Variants in NR5A2 observed in about 807,000 individuals in gnomAD.
NR5A2 encodes nuclear receptor subfamily 5 group A member 2.
In NR5A2, 26 loss-of-function variants were observed where a neutral mutation model predicts 62.7. The observed-to-expected ratio is 0.41, with a 90% CI of 0.30 to 0.58. The LOEUF (loss-of-function observed/expected upper bound fraction) is 0.58. Among genes scored for constraint, NR5A2 ranks in the 20% least tolerant of loss-of-function variants. The probability of loss-of-function intolerance (pLI) is 0.22; values close to 1 mark genes in which losing one functional copy is unlikely to be tolerated. For synonymous variants in NR5A2, 246 were observed against 241.7 expected, an observed-to-expected ratio of 1.02 and a Z score of -0.16; for missense variants, 541 against 669.1, an observed-to-expected ratio of 0.81 and a Z score of 2.11.
intron 2 of NR5A2, among the ~76,000 whole-genome samples, chr1:200,043,364 G>A (rs934148471): frequency 7.2e-5 from 11 of 152,150 alleles, no homozygotes; most frequent in Non-Finnish European, 1.2e-4. Flanking sequence ...CAAGAGGGAG[G>A]GAATAAAGCC....
intron 2 of NR5A2, among the ~76,000 whole-genome samples, chr1:200,043,406 A>G (rs1044690274): frequency 1.3e-5 from 2 of 152,364 alleles, no homozygotes; most frequent in South Asian, 4.1e-4. Context: ...GGCGAAGGTG[A>G]CATTTTGGAA....
rs776467856 is a variant in NR5A2, at chr1:200,045,603, C to A, written c.463+19C>A. ...CTAGAAGGTAAGATTCTTCTAAAGA[C>A]TACTGCCTATTAAAACTCTCCAAGG... is the stretch of plus-strand genomic sequence containing the variant. On this transcript the variant is annotated intron_variant, in intron 4 of 7. Coordinates refer to ENST00000367362, the MANE Select transcript of NR5A2 (RefSeq NM_205860.3). The A allele has an allele frequency of 4.4e-6, 7 of 1,596,472 alleles. No individual in the cohort carries two copies. The highest frequency in any genetic ancestry group is 6.0e-6 in the Non-Finnish European group (7 of 1,172,624).
At chr1:200,053,328 A>C (rs1269728994) in intron 5 of NR5A2, among the ~76,000 whole-genome samples, 2 of 152,162 alleles carry the variant, frequency 1.3e-5, no homozygotes, top group African/African-American at 2.4e-5. Context: ...AGCTTTTGCA[A>C]CAACAGATGT....
chr1:200,095,314 GA>G (rs1164908697), intron 5 of NR5A2, among the ~76,000 whole-genome samples: 1 of 152,066 alleles, frequency 6.6e-6, no homozygotes, highest in Non-Finnish European at 1.5e-5. Context: ...ATAGCAATGA[GA>G]TGCCCAGAGT....
intron 1 of NR5A2, among the ~76,000 whole-genome samples, chr1:200,038,304 A>G (rs3790844): frequency 0.25 from 38,017 of 152,158 alleles, 5,952 homozygotes; most frequent in East Asian, 0.67. Context: ...CTAAAACTGG[A>G]AAGTCTGTCG....
chr1:200,145,262 A>C (rs1026886805), intron 7 of NR5A2, among the ~76,000 whole-genome samples: 1 of 152,180 alleles, frequency 6.6e-6, no homozygotes, highest in African/African-American at 2.4e-5. Context: ...GTGAGCTGAG[A>C]CTGAGACACT....
chr1:200,027,970 T>G (rs981864974), intron 1 of NR5A2, 59 bp downstream of exon 1: 1 of 1,218,184 alleles, frequency 8.2e-7, no homozygotes, highest in African/African-American at 1.5e-5. Flanking sequence ...ACATATAATT[T>G]AATCTTGTTG....
At chr1:200,148,712 T>C (rs1368101016) in intron 7 of NR5A2, among the ~76,000 whole-genome samples, 6 of 152,336 alleles carry the variant, frequency 3.9e-5, no homozygotes, top group African/African-American at 1.4e-4. Context: ...ATCATTTCTA[T>C]GTGGATGATT....
At chr1:200,112,588 G>A (rs2102295711) in intron 6 of NR5A2, among the ~76,000 whole-genome samples, 1 of 152,320 alleles carries the variant, frequency 6.6e-6, no homozygotes, top group Admixed American at 6.5e-5. Flanking sequence ...CAAATTAAAA[G>A]CAAGCACTAT....
intron 5 of NR5A2, among the ~76,000 whole-genome samples, chr1:200,096,846 T>C (rs185653139): frequency 3.3e-5 from 5 of 152,332 alleles, no homozygotes; most frequent in African/African-American, 4.8e-5. Context: ...TGTACAGGTT[T>C]GTAGCCCAGG....
At chr1:200,069,689 C>T (rs573107330) in intron 5 of NR5A2, among the ~76,000 whole-genome samples, 51 of 152,154 alleles carry the variant, frequency 3.4e-4, no homozygotes, top group Non-Finnish European at 6.6e-4. Context: ...GGTCCTCATA[C>T]TGCAGAAATT....
chr1:200,157,673 AATT>A (rs1653452471), intron 7 of NR5A2, among the ~76,000 whole-genome samples: 1 of 152,218 alleles, frequency 6.6e-6, no homozygotes. Flanking sequence ...CAATTGAATG[AATT>A]ATTAATTTGT....
At chr1:200,124,288 G>A (rs145982053) in intron 7 of NR5A2, among the ~76,000 whole-genome samples, 16 of 152,254 alleles carry the variant, frequency 1.1e-4, no homozygotes, top group East Asian at 3.9e-4. Context: ...GATTCAAAGC[G>A]GGTCCCAATA....
chr1:200,138,376 G>A (rs1162129263), intron 7 of NR5A2, among the ~76,000 whole-genome samples: 1 of 152,054 alleles, frequency 6.6e-6, no homozygotes, highest in Non-Finnish European at 1.5e-5. Context: ...GTTTTAATTT[G>A]TATTTCTGAT....
chr1:200,028,878 G>A (rs1349038412), intron 1 of NR5A2, among the ~76,000 whole-genome samples: 1 of 152,104 alleles, frequency 6.6e-6, no homozygotes. Flanking sequence ...TGACTCCACA[G>A]AATGCAGTGG....
intron 6 of NR5A2, among the ~76,000 whole-genome samples, chr1:200,114,722 G>A (rs1217629901): frequency 1.3e-5 from 2 of 152,272 alleles, no homozygotes; most frequent in East Asian, 1.9e-4. Context: ...ACAACCCCAC[G>A]AAGAAAGGAC....
chr1:200,074,787 A>AT (rs1663950661), intron 5 of NR5A2, among the ~76,000 whole-genome samples: 1 of 110,392 alleles, frequency 9.1e-6, no homozygotes. Context: ...CAAACACTTT[A>AT]ATTTTTTTTT....
At chr1:200,102,766 G>A (rs1665439118) in intron 5 of NR5A2, among the ~76,000 whole-genome samples, 1 of 152,112 alleles carries the variant, frequency 6.6e-6, no homozygotes, top group African/African-American at 2.4e-5. Flanking sequence ...CTTACTCTAA[G>A]AATTTTGCAC....
intron 5 of NR5A2, among the ~76,000 whole-genome samples, chr1:200,084,200 T>TGCACTCATGTAATTAAGACA (rs1234796005): frequency 6.6e-6 from 1 of 152,070 alleles, no homozygotes; most frequent in East Asian, 1.9e-4. Flanking sequence ...TAAGAGCATT[T>TGCACTCATGTAATTAAGACA]ATTTAAGACA....
Sources: gnomAD v4.1 joint callset for allele counts (sites outside exome capture counted in the v4.1 genomes callset) on GRCh38, gnomAD v4.1.1 for gene constraint, MANE v1.5 for transcripts, NCBI Gene and HGNC (gene_info 2026-07-23, HGNC 2026-07-21) for gene names.